Variants in CRTAP observed in about 807,000 individuals in gnomAD.
CRTAP encodes cartilage-associated protein.
A neutral mutation model predicts 42.7 loss-of-function variants in CRTAP; 33 were observed. The observed-to-expected ratio is 0.77, with a 90% confidence interval of 0.59 to 1.03. CRTAP has a LOEUF of 1.03. Among genes scored for constraint, CRTAP ranks in the 50% least tolerant of loss-of-function variants. CRTAP has a pLI of 0.00. For missense variants in CRTAP, 613 were observed against 533.9 expected (o/e 1.15, Z -1.46); for synonymous variants, 243 against 217.7 (o/e 1.12, Z -1.02).
In CRTAP at chr3:33,117,231, G is replaced by A. The variant is rs568782232; in HGVS notation, c.471+2683G>A. On this transcript the variant is annotated intron_variant, in intron 1 of 6. Coordinates refer to ENST00000320954, the MANE Select transcript of CRTAP (RefSeq NM_006371.5). ...AGGTCGATATGAAGGTAGATAGTGC[G>A]CTGTGGCAGGACATGGATAAATGTT... Among the ~76,000 whole-genome samples, 18 of 152,326 alleles carry A rather than the reference G, an allele frequency of 1.2e-4. 1 individual carries two copies. Among genetic ancestry groups the A allele is most frequent in the Middle Eastern group, 3.4e-3 (1 of 294 alleles).
chr3:33,137,387 C>T (rs757762067), intron 6 of CRTAP, among the ~76,000 whole-genome samples: 9 of 152,134 alleles, frequency 5.9e-5, no homozygotes, highest in Admixed American at 2.6e-4. Context: ...GCGATCCACC[C>T]GCCTCAGCCT....
At chr3:33,135,415 C>T (rs1463137421) in intron 6 of CRTAP, among the ~76,000 whole-genome samples, 1 of 152,080 alleles carries the variant, frequency 6.6e-6, no homozygotes. Flanking sequence ...TTGCTTGAGA[C>T]CAGGAGTTCA....
Position 33,114,124 on chromosome 3 carries a change from G to A in CRTAP, c.47G>A (p.Cys16Tyr). ...RGAAALLALLCVACALRAGRA... is the reference protein window; with the variant it reads ...RGAAALLALLYVACALRAGRA... ...GCCGCGGCGCTGCTAGCGCTGCTGT[G>A]CGTGGCCTGCGCGCTGCGCGCCGGG... Residue 16 changes from cysteine (C) to tyrosine (Y), a missense_variant, in exon 1 of 7, where the codon TGC (cysteine) becomes TAC (tyrosine). By Grantham distance (194) the Cys-to-Tyr change is radical (BLOSUM62 -2). Coordinates refer to ENST00000320954, the MANE Select transcript of CRTAP (RefSeq NM_006371.5). 1 of 1,556,182 alleles carries A rather than the reference G, an allele frequency of 6.4e-7. No homozygotes were observed. Among genetic ancestry groups the A allele is most frequent in the Admixed American group, 1.8e-5 (1 of 54,958 alleles).
chr3:33,138,709 A>G (rs2125606387), intron 6 of CRTAP, among the ~76,000 whole-genome samples: 1 of 152,342 alleles, frequency 6.6e-6, no homozygotes, highest in East Asian at 1.9e-4. Flanking sequence ...TATGTTGAAT[A>G]GAAGCAGAGA....
At chr3:33,118,508 C>T (rs972289378) in intron 1 of CRTAP, among the ~76,000 whole-genome samples, 45 of 152,238 alleles carry the variant, frequency 3.0e-4, no homozygotes, top group African/African-American at 1.1e-3. Flanking sequence ...CACCACTTCT[C>T]TGATGTGGCC....
At chr3:33,133,033 C>T (rs1459649566) in intron 5 of CRTAP, among the ~76,000 whole-genome samples, 2 of 151,164 alleles carry the variant, frequency 1.3e-5, no homozygotes, top group African/African-American at 2.4e-5. Context: ...GCCGAGATTG[C>T]GCCAAAAAAA....
chr3:33,135,626 G>A (rs1017500304), intron 6 of CRTAP, among the ~76,000 whole-genome samples: 5 of 150,646 alleles, frequency 3.3e-5, no homozygotes, highest in Non-Finnish European at 5.9e-5. Context: ...AAAAAGGAAA[G>A]TATAGAAAAA....
intron 1 of CRTAP, among the ~76,000 whole-genome samples, chr3:33,116,942 C>CA (rs1701349028): frequency 6.6e-6 from 1 of 151,898 alleles, no homozygotes; most frequent in Non-Finnish European, 1.5e-5. Flanking sequence ...CTCATCTGTA[C>CA]AAAAACATTA....
chr3:33,124,914 T>G (rs2030016489), intron 3 of CRTAP, among the ~76,000 whole-genome samples: 1 of 152,190 alleles, frequency 6.6e-6, no homozygotes. Context: ...GAGATAACTT[T>G]GATGATGGCA....
Position 33,114,210 on chromosome 3 carries a change from G to C in CRTAP, c.133G>C (p.Glu45Gln), listed in dbSNP as rs766969850. 1.8e-5 allele frequency: 28 copies of C among 1,593,638 alleles called. No homozygotes were observed. The highest frequency in any genetic ancestry group is 3.4e-5 in the Admixed American group (2 of 59,254). ...SFPRDELMPLESAYRHALDKY... is the reference protein window; with the variant it reads ...SFPRDELMPLQSAYRHALDKY... ...CCCACGGGACGAGCTGATGCCGCTC[G>C]AGTCGGCCTACCGGCACGCGCTGGA... The change falls in exon 1 of 7, where the codon GAG becomes CAG. Residue 45 changes from glutamate to glutamine, a missense_variant. Physicochemically the swap from Glu to Gln is conservative, Grantham distance 29. Coordinates refer to ENST00000320954, the MANE Select transcript of CRTAP (RefSeq NM_006371.5).
At position 33,147,225 on chromosome 3, in the gene CRTAP, C is replaced by G. The variant is rs2030745231; in HGVS notation, c.*4777C>G. The G allele has an allele frequency of 6.5e-6, 1 of 152,842 alleles. No individual in the cohort carries two copies. The highest frequency in any genetic ancestry group is 2.1e-4 in the South Asian group (1 of 4,836). The allele number at this position is 152,842 out of a possible 1,614,324, so 9.5% of individuals were successfully genotyped here. On this transcript the variant is annotated 3_prime_UTR_variant, in exon 7 of 7. Coordinates refer to ENST00000320954, the MANE Select transcript of CRTAP (RefSeq NM_006371.5). Reference sequence around the variant, plus strand: ...GCATTGGACTTCCTGTGCCTGCCCCCAGGGGCAAGACTGATCCCCATGCCT... The same window carrying G: ...GCATTGGACTTCCTGTGCCTGCCCCGAGGGGCAAGACTGATCCCCATGCCT...
Position 33,142,455 on chromosome 3 carries a change from G to A in CRTAP, c.*7G>A, listed in dbSNP as rs145383822. ...ACTGGAGGAGACCAGCTAGCCCACA[G>A]CAACCAAAGAGACTTCCTCTTGGCG... On this transcript the variant is annotated 3_prime_UTR_variant, in exon 7 of 7. Coordinates refer to ENST00000320954, the MANE Select transcript of CRTAP (RefSeq NM_006371.5). 1,103 of 1,613,842 alleles carry A rather than the reference G, an allele frequency of 6.8e-4. 8 individuals are homozygous for A. In the African/African-American group the frequency reaches 0.012, roughly 17 times the overall value.
At position 33,143,163 on chromosome 3, in the gene CRTAP, T is replaced by A. The variant is rs547166208; in HGVS notation, c.*715T>A. The A allele has an allele frequency of 6.6e-6, 1 of 152,274 alleles. No homozygotes were observed. Among genetic ancestry groups the A allele is most frequent in the African/African-American group, 2.4e-5 (1 of 41,472 alleles). The allele number at this position is 152,274 out of a possible 1,614,324, so 9.4% of individuals were successfully genotyped here. ...AAATAAGAAAAACATTCCTAGAAGA[T>A]GATAATTGTGAAAACCTCCTTTGGC... On this transcript the variant is annotated 3_prime_UTR_variant, in exon 7 of 7. Coordinates refer to ENST00000320954, the MANE Select transcript of CRTAP (RefSeq NM_006371.5).
chr3:33,137,287 G>A (rs1203974642), intron 6 of CRTAP, among the ~76,000 whole-genome samples: 1 of 152,026 alleles, frequency 6.6e-6, no homozygotes, highest in Non-Finnish European at 1.5e-5. Flanking sequence ...TTACAGGCGC[G>A]CACCACCACA....
rs535031877 is a variant in CRTAP at position 33,146,335 on chromosome 3, C to T, written c.*3887C>T. On this transcript the variant is annotated 3_prime_UTR_variant, in exon 7 of 7. Coordinates refer to ENST00000320954, the MANE Select transcript of CRTAP (RefSeq NM_006371.5). ...TTCTGCAGGCTGGTGGGGAGGCCGC[C>T]CATCGTGGTGGGGCATCTGTCCAGC... 1 of 152,504 alleles carries T rather than the reference C, an allele frequency of 6.6e-6. No homozygotes were observed. Among genetic ancestry groups the T allele is most frequent in the South Asian group, 2.1e-4 (1 of 4,832 alleles). The allele number at this position is 152,504 out of a possible 1,614,324, so 9.4% of individuals were successfully genotyped here.
chr3:33,114,598 C>G (rs905266269), intron 1 of CRTAP, 50 bp downstream of exon 1: 1 of 1,518,638 alleles, frequency 6.6e-7, no homozygotes, highest in East Asian at 2.4e-5. Flanking sequence ...CCTGACCCAG[C>G]CTCCAGGCCC....
chr3:33,123,462 C>T (rs111547166), intron 2 of CRTAP, among the ~76,000 whole-genome samples: 1 of 118,332 alleles, frequency 8.5e-6, no homozygotes, highest in Non-Finnish European at 1.9e-5. Context: ...CCGCTCTCTT[C>T]CTTCTTCTCT....
At position 33,114,046 on chromosome 3, in the gene CRTAP, C is replaced by G; in HGVS notation, c.-32C>G. On this transcript the variant is annotated 5_prime_UTR_variant, in exon 1 of 7. Coordinates refer to ENST00000320954, the MANE Select transcript of CRTAP (RefSeq NM_006371.5). ...TTCTCCCTCCCCTTTTCCCTTCCTT[C>G]GTCCCTTCCTTCCTTCCTTTCGCCG... 1.4e-6 allele frequency: 2 copies of G among 1,421,830 alleles called. No homozygotes were observed. The highest frequency in any genetic ancestry group is 1.8e-6 in the Non-Finnish European group (2 of 1,083,072). 88.1% of individuals were successfully genotyped at this position (1,421,830 alleles called of 1,614,324 possible).
intron 1 of CRTAP, among the ~76,000 whole-genome samples, chr3:33,118,195 G>A (rs188845329): frequency 8.8e-4 from 133 of 151,202 alleles, no homozygotes; most frequent in African/African-American, 2.7e-3. Context: ...TCCTGACCTC[G>A]TGATCCACCC....
Sources: allele counts gnomAD v4.1 joint callset (sites outside exome capture counted in the v4.1 genomes callset), GRCh38; gene constraint gnomAD v4.1.1; transcripts MANE v1.5; gene names NCBI Gene and HGNC (gene_info 2026-07-23, HGNC 2026-07-21).